The following TOP6BL variants were observed in gnomAD, a reference collection of about 807,000 sequenced individuals.
TOP6BL encodes type 2 DNA topoisomerase 6 subunit B-like.
the TOP6BL span, among the ~76,000 whole-genome samples, chr11:66,774,243 T>C: frequency 3.3e-5 from 5 of 152,196 alleles, no homozygotes; most frequent in African/African-American, 1.2e-4. Context: ...AATAGTACTT[T>C]ACCCAGTAAT....
chr11:66,792,729 A>G, the TOP6BL span, among the ~76,000 whole-genome samples: 1 of 152,212 alleles, frequency 6.6e-6, no homozygotes, highest in Non-Finnish European at 1.5e-5. Context: ...GCAAGTAGTC[A>G]GTAAATATCA....
chr11:66,744,939 G>A, the TOP6BL span: 1 of 1,250,546 alleles, frequency 8.0e-7, no homozygotes. Context: ...GGAAGGGAGA[G>A]AAAGCGGAGG....
At chr11:66,828,975 G>GTTT in the TOP6BL span, among the ~76,000 whole-genome samples, 2 of 120,410 alleles carry the variant, frequency 1.7e-5, no homozygotes, top group Admixed American at 1.8e-4. Context: ...TGTGTTTTTT[G>GTTT]TTTTTTTTTT....
the TOP6BL span, chr11:66,838,494 A>G: frequency 6.5e-7 from 1 of 1,540,990 alleles, no homozygotes; most frequent in Admixed American, 1.7e-5. Flanking sequence ...CAGAGGAAGT[A>G]AAAAACGTGA....
At chr11:66,833,346 G>T in the TOP6BL span, among the ~76,000 whole-genome samples, 2 of 152,056 alleles carry the variant, frequency 1.3e-5, no homozygotes, top group Admixed American at 6.6e-5. Context: ...TAGGGATTTA[G>T]GGCCCACCCT....
the TOP6BL span, among the ~76,000 whole-genome samples, chr11:66,765,911 T>A: frequency 2.0e-5 from 3 of 152,226 alleles, no homozygotes; most frequent in Non-Finnish European, 4.4e-5. Flanking sequence ...CTCCCTGGTT[T>A]ATGCACCATT....
At chr11:66,797,521 C>G in the TOP6BL span, among the ~76,000 whole-genome samples, 1 of 149,824 alleles carries the variant, frequency 6.7e-6, no homozygotes, top group African/African-American at 2.5e-5. Context: ...TTTTTTTTTC[C>G]TGAGACAGGG....
the TOP6BL span, chr11:66,762,227 C>G: frequency 1.7e-6 from 1 of 599,910 alleles, no homozygotes; most frequent in Non-Finnish European, 3.0e-6. Context: ...GCCCGCGAGG[C>G]CGCAGGGGGC....
chr11:66,765,757 C>T, the TOP6BL span, among the ~76,000 whole-genome samples: 4 of 152,326 alleles, frequency 2.6e-5, no homozygotes, highest in African/African-American at 9.6e-5. Flanking sequence ...CTCAGGTGAT[C>T]CACCCGCCTC....
the TOP6BL span, among the ~76,000 whole-genome samples, chr11:66,829,457 C>G: frequency 6.6e-6 from 1 of 152,056 alleles, no homozygotes; most frequent in Non-Finnish European, 1.5e-5. Flanking sequence ...CACCTGTAAT[C>G]CCAGCTACTT....
the TOP6BL span, chr11:66,800,731 AT>A: frequency 1.3e-6 from 2 of 1,511,552 alleles, no homozygotes; most frequent in Non-Finnish European, 1.8e-6. Flanking sequence ...AGATGATGCT[AT>A]GGCTCTGCAA....
the TOP6BL span, chr11:66,821,609 T>C: frequency 7.7e-6 from 12 of 1,566,078 alleles, no homozygotes; most frequent in Non-Finnish European, 8.7e-6. Context: ...GGGAGGTAGA[T>C]ATAGTGATAA....
chr11:66,806,285 T>C, the TOP6BL span, among the ~76,000 whole-genome samples: 13 of 152,344 alleles, frequency 8.5e-5, no homozygotes, highest in African/African-American at 2.6e-4. Context: ...ATGATACTTA[T>C]CTCATAGGTT....
At chr11:66,813,522 C>G in the TOP6BL span, among the ~76,000 whole-genome samples, 6 of 152,130 alleles carry the variant, frequency 3.9e-5, no homozygotes, top group Non-Finnish European at 8.8e-5. Context: ...ATCACGAGGT[C>G]AAGAGATCGA....
chr11:66,824,519 A>G, the TOP6BL span, among the ~76,000 whole-genome samples: 2 of 150,902 alleles, frequency 1.3e-5, no homozygotes, highest in East Asian at 1.9e-4. Context: ...ATATGTATAC[A>G]TGTGCCATGT....
the TOP6BL span, chr11:66,759,023 T>C: frequency 1.0e-5 from 16 of 1,525,966 alleles, no homozygotes; most frequent in Admixed American, 3.1e-4. Context: ...TGATATTTCT[T>C]TGTATTCTGT....
At chr11:66,762,403 G>A in the TOP6BL span, 5 of 346,178 alleles carry the variant, frequency 1.4e-5, no homozygotes, top group South Asian at 1.3e-4. Context: ...GCAGCATGGC[G>A]GAGAGGACTG....
chr11:66,803,460 G>A, the TOP6BL span, among the ~76,000 whole-genome samples: 2 of 152,022 alleles, frequency 1.3e-5, no homozygotes, highest in Non-Finnish European at 2.9e-5. Flanking sequence ...ACAAAGTCTC[G>A]CTCTGTTGCT....
chr11:66,770,294 T>C, the TOP6BL span, among the ~76,000 whole-genome samples: 1 of 152,194 alleles, frequency 6.6e-6, no homozygotes, highest in Non-Finnish European at 1.5e-5. Flanking sequence ...TCTCTTGTTA[T>C]GGCGGCTTGA....
Sources: allele counts gnomAD v4.1 joint callset (sites outside exome capture counted in the v4.1 genomes callset), GRCh38; gene constraint gnomAD v4.1.1; transcripts MANE v1.5; gene names NCBI Gene and HGNC (gene_info 2026-07-23, HGNC 2026-07-21).